CDC73: variants seen among roughly 807,000 people sequenced by gnomAD.
The protein encoded by CDC73 is parafibromin.
CDC73 carries 21 observed loss-of-function variants against 83.7 expected under a neutral mutation model. The observed-to-expected ratio is 0.25, with a 90% confidence interval of 0.18 to 0.36. The LOEUF (loss-of-function observed/expected upper bound fraction) is 0.36, where lower values mean the gene tolerates loss of function less well. Ranked by LOEUF, CDC73 falls within the 10% of genes least tolerant of loss-of-function variation. CDC73 has a pLI of 1.00. For synonymous variants in CDC73, 224 were observed against 212.9 expected (o/e 1.05, Z -0.45); for missense variants, 342 against 653.3 (o/e 0.52, Z 5.19).
intron 5 of CDC73, among the ~76,000 whole-genome samples, chr1:193,137,681 G>A (rs1675824742): frequency 6.6e-6 from 1 of 152,048 alleles, no homozygotes; most frequent in Non-Finnish European, 1.5e-5. Flanking sequence ...TTCAGGACCT[G>A]TAGCAACAGA....
In CDC73 at chr1:193,251,629, A is replaced by G. The variant is rs1240836800; in HGVS notation, c.*917A>G. On this transcript the variant is annotated 3_prime_UTR_variant, in exon 17 of 17. Coordinates refer to ENST00000367435, the MANE Select transcript of CDC73 (RefSeq NM_024529.5). Reference sequence around the variant, plus strand: ...TATCTTCCATTATCCCTAAATATTGATAAACTCCCAGGCACCAAAGAAAAC... The same window carrying G: ...TATCTTCCATTATCCCTAAATATTGGTAAACTCCCAGGCACCAAAGAAAAC... 3 of 232,150 alleles carry G rather than the reference A, an allele frequency of 1.3e-5. No individual in the cohort carries two copies. Among genetic ancestry groups the G allele is most frequent in the Non-Finnish European group, 2.6e-5 (3 of 117,126 alleles). The allele number at this position is 232,150 out of a possible 1,614,324, so 14.4% of individuals were successfully genotyped here. A position where few individuals can be genotyped will look rare whatever the true frequency, so the allele number is the denominator to read the frequency against.
chr1:193,248,282 G>C (rs1677986946), intron 15 of CDC73, among the ~76,000 whole-genome samples: 1 of 152,088 alleles, frequency 6.6e-6, no homozygotes, highest in East Asian at 1.9e-4. Flanking sequence ...GCAGGGTTCA[G>C]TGAATATTTT....
At chr1:193,127,058 C>A (rs758966438) in intron 2 of CDC73, among the ~76,000 whole-genome samples, 3 of 151,854 alleles carry the variant, frequency 2.0e-5, no homozygotes, top group African/African-American at 7.3e-5. Flanking sequence ...CACTTGAGCT[C>A]AGGAGTTCAA....
intron 2 of CDC73, among the ~76,000 whole-genome samples, chr1:193,129,411 T>C (rs927726271): frequency 4.6e-5 from 7 of 151,924 alleles, no homozygotes; most frequent in African/African-American, 1.7e-4. Flanking sequence ...GGATTACAGG[T>C]GTGGGCCACT....
intron 3 of CDC73, among the ~76,000 whole-genome samples, chr1:193,134,096 A>G (rs1675743835): frequency 6.6e-6 from 1 of 152,152 alleles, no homozygotes. Flanking sequence ...TGTGTCTGGA[A>G]CTTTATCCTA....
intron 5 of CDC73, among the ~76,000 whole-genome samples, chr1:193,137,566 G>C (rs1471710616): frequency 2.0e-5 from 3 of 152,204 alleles, no homozygotes; most frequent in African/African-American, 7.2e-5. Flanking sequence ...ACAAAATCTT[G>C]AAGTGGCCCA....
chr1:193,167,739 T>G (rs12143361), intron 10 of CDC73, among the ~76,000 whole-genome samples: 1 of 152,120 alleles, frequency 6.6e-6, no homozygotes, highest in Non-Finnish European at 1.5e-5. Flanking sequence ...AATGAGGGCT[T>G]AGTCTGGTAA....
At chr1:193,183,187 T>C (rs1325197) in intron 10 of CDC73, among the ~76,000 whole-genome samples, 109,427 of 151,188 alleles carry the variant, frequency 0.72, 39,882 homozygotes, top group South Asian at 0.82. Flanking sequence ...AAGTGTTAGA[T>C]GTAAATGAAT....
intron 9 of CDC73, among the ~76,000 whole-genome samples, chr1:193,151,485 C>G (rs1421200051): frequency 6.6e-6 from 1 of 152,180 alleles, no homozygotes; most frequent in African/African-American, 2.4e-5. Flanking sequence ...ATTGTTTATT[C>G]TGCTTTTGCA....
At chr1:193,242,214 G>A (rs752569967) in intron 15 of CDC73, among the ~76,000 whole-genome samples, 4 of 151,578 alleles carry the variant, frequency 2.6e-5, no homozygotes, top group African/African-American at 7.3e-5. Flanking sequence ...TCAAAATGGC[G>A]CTGTGCTGCA....
chr1:193,145,054 C>T (rs1278854466), intron 7 of CDC73, among the ~76,000 whole-genome samples: 1 of 152,044 alleles, frequency 6.6e-6, no homozygotes, highest in Non-Finnish European at 1.5e-5. Flanking sequence ...ATAATATTAA[C>T]AAGTATAATT....
At chr1:193,125,326 A>G in intron 2 of CDC73, 109 bp downstream of exon 2, 1 of 731,402 alleles carries the variant, frequency 1.4e-6, no homozygotes, top group Non-Finnish European at 2.4e-6. Flanking sequence ...TGGTGTGATC[A>G]TAGCTCATTG....
At chr1:193,237,593 G>A (rs1261324684) in intron 15 of CDC73, among the ~76,000 whole-genome samples, 3 of 152,150 alleles carry the variant, frequency 2.0e-5, no homozygotes, top group Admixed American at 1.3e-4. Context: ...GGAGTCGGGA[G>A]GTAGGGGTGG....
At chr1:193,129,482 A>G (rs1345743139) in intron 2 of CDC73, among the ~76,000 whole-genome samples, 1 of 71,572 alleles carries the variant, frequency 1.4e-5, no homozygotes, top group East Asian at 2.7e-4. Flanking sequence ...GGAATTTCAA[A>G]AAGAAATTTA....
intron 10 of CDC73, among the ~76,000 whole-genome samples, chr1:193,163,575 G>A (rs2103143895): frequency 6.6e-6 from 1 of 151,990 alleles, no homozygotes; most frequent in South Asian, 2.1e-4. Flanking sequence ...ACTTGATATT[G>A]GAAAATATTT....
At chr1:193,235,651 A>T (rs1213162738) in intron 14 of CDC73, among the ~76,000 whole-genome samples, 3 of 152,174 alleles carry the variant, frequency 2.0e-5, no homozygotes, top group African/African-American at 7.2e-5. Context: ...TGGGAAAAAA[A>T]TGCTTTAAAA....
chr1:193,174,034 A>G (rs188212475), intron 10 of CDC73, among the ~76,000 whole-genome samples: 1 of 152,292 alleles, frequency 6.6e-6, no homozygotes, highest in African/African-American at 2.4e-5. Flanking sequence ...TCATTAAGAG[A>G]TTAATGAAAA....
intron 10 of CDC73, among the ~76,000 whole-genome samples, chr1:193,188,358 TG>T (rs1179653975): frequency 6.6e-6 from 1 of 152,208 alleles, no homozygotes; most frequent in Non-Finnish European, 1.5e-5. Flanking sequence ...TCTGTGTTTT[TG>T]TTTTCTTTTT....
At chr1:193,220,890 T>C (rs1481691763) in intron 13 of CDC73, among the ~76,000 whole-genome samples, 1 of 152,196 alleles carries the variant, frequency 6.6e-6, no homozygotes, top group East Asian at 1.9e-4. Context: ...CTCACAGAAA[T>C]GGATCACATT....
Sources: gnomAD v4.1 joint callset for allele counts (sites outside exome capture counted in the v4.1 genomes callset) on GRCh38, gnomAD v4.1.1 for gene constraint, MANE v1.5 for transcripts, NCBI Gene and HGNC (gene_info 2026-07-23, HGNC 2026-07-21) for gene names.